Variants in ZNF507 observed in about 807,000 individuals in gnomAD.
The protein encoded by ZNF507 is zinc finger protein 507.
ZNF507 carries 29 observed loss-of-function variants against 80.0 expected under a neutral mutation model. That is an observed-to-expected ratio of 0.36 (90% CI 0.27 to 0.49). ZNF507 has a LOEUF of 0.49. Among genes scored for constraint, ZNF507 ranks in the 20% least tolerant of loss-of-function variants. ZNF507 has a pLI of 0.98. For missense variants in ZNF507, 1,081 were observed against 1,152.2 expected, an observed-to-expected ratio of 0.94 and a Z score of 0.90; for synonymous variants, 462 against 422.5, an observed-to-expected ratio of 1.09 and a Z score of -1.15.
intron 5 of ZNF507, among the ~76,000 whole-genome samples, chr19:32,378,346 C>T (rs1967578596): frequency 6.6e-6 from 1 of 152,084 alleles, no homozygotes; most frequent in Admixed American, 6.5e-5. Flanking sequence ...GAGTGAAACT[C>T]CGTCTCAAAG....
chr19:32,360,778 T>G (rs759484135), intron 5 of ZNF507, among the ~76,000 whole-genome samples, 160 bp downstream of exon 5: 3 of 152,206 alleles, frequency 2.0e-5, no homozygotes, highest in Non-Finnish European at 2.9e-5. Context: ...TATATTTACT[T>G]ATTTATTTTT....
intron 5 of ZNF507, among the ~76,000 whole-genome samples, chr19:32,368,390 A>G (rs563334090): frequency 3.3e-5 from 5 of 152,298 alleles, no homozygotes; most frequent in African/African-American, 1.2e-4. Flanking sequence ...CATCAGCTGG[A>G]ACACATACAT....
In ZNF507 at chr19:32,384,983, ACCCAT is replaced by A. The variant is rs1967670250; in HGVS notation, c.*1901_*1905del. ...CATTTAAAATGATTTCATTATTATT[ACCCAT>A]ACTGTTGCCACTCATATTGTAAGTC... On this transcript the variant is annotated 3_prime_UTR_variant, in exon 7 of 7. Coordinates refer to ENST00000355898, the MANE Select transcript of ZNF507 (RefSeq NM_001136156.2). 6.6e-6 allele frequency: 1 copy of A among 152,078 alleles called. No homozygotes were observed. The highest frequency in any genetic ancestry group is 1.5e-5 in the Non-Finnish European group (1 of 68,012). 9.4% of individuals were successfully genotyped at this position (152,078 alleles called of 1,614,324 possible).
Position 32,383,040 on chromosome 19 carries a change from T to C in ZNF507, c.2819T>C (p.Ile940Thr). 6.2e-7 allele frequency: 1 copy of C among 1,614,062 alleles called. No homozygotes were observed. The highest frequency in any genetic ancestry group is 8.5e-7 in the Non-Finnish European group (1 of 1,179,980). The change falls in exon 7 of 7, where the codon ATC (isoleucine) becomes ACC (threonine). Residue 940 changes from isoleucine (I) to threonine (T), a missense_variant. Physicochemically the swap from Ile to Thr is moderately conservative, Grantham distance 89. Transcript: ENST00000355898. Reference sequence around the variant, plus strand: ...GAGCACGAGGGTGAAATTGTAAACATCATCCTGAATAAGGACCACAATACA... The same window carrying C: ...GAGCACGAGGGTGAAATTGTAAACACCATCCTGAATAAGGACCACAATACA... ...MKEHEGEIVN[I>T]ILNKDHNTAL...
At chr19:32,375,563 C>T (rs963773472) in intron 5 of ZNF507, among the ~76,000 whole-genome samples, 1 of 152,140 alleles carries the variant, frequency 6.6e-6, no homozygotes, top group Non-Finnish European at 1.5e-5. Flanking sequence ...ACTTAAGAGA[C>T]TTACCAACCA....
chr19:32,354,391 A>G lies in ZNF507; in HGVS notation c.1561A>G (p.Ile521Val), dbSNP rs1967219305. The G allele has an allele frequency of 2.5e-6, 4 of 1,614,170 alleles. No homozygotes were observed. Among genetic ancestry groups the G allele is most frequent in the Non-Finnish European group, 3.4e-6 (4 of 1,180,034 alleles). ...AGCCAACCTGGGGCACTATGGAGAT[A>G]TAAACCTTTTAGATCCAGATACTAG... ...TRANLGHYGDINLLDPDTSQR... is the reference protein window; with the variant it reads ...TRANLGHYGDVNLLDPDTSQR... Residue 521 changes from isoleucine (I) to valine (V), a missense_variant, in exon 3 of 7, where the codon ATA (isoleucine) becomes GTA (valine). By Grantham distance (29) the Ile-to-Val change is conservative. This residue lies in a region of ZNF507 where 614 missense variants were observed against 583.9 expected (regional missense o/e 1.05). Transcript: ENST00000355898.
Position 32,354,717 on chromosome 19 carries a change from T to C in ZNF507, c.1887T>C (p.Asn629=), listed in dbSNP as rs776026445. 3.1e-6 allele frequency: 5 copies of C among 1,614,038 alleles called. No homozygotes were observed. Among genetic ancestry groups the C allele is most frequent in the Non-Finnish European group, 4.2e-6 (5 of 1,180,040 alleles). Residue 629 remains asparagine, a synonymous_variant, in exon 3 of 7, where the codon AAT becomes AAC. Transcript: ENST00000355898. ...PNSDTSLSGN[N]VVEYIPNAER... is the part of the protein sequence containing the mutation. ...GCGATACAAGTTTGTCCGGAAACAA[T>C]GTGGTGGAATACATCCCGAATGCTG...
At position 32,361,458 on chromosome 19, in the gene ZNF507, C is replaced by A. The variant is rs368146335; in HGVS notation, c.2360+840C>A. 8.5e-5 allele frequency among the ~76,000 whole-genome samples: 13 copies of A among 152,244 alleles called. No individual in the cohort carries two copies. The East Asian group carries it at 1.9e-3, about 23-fold the overall frequency. Reference sequence around the variant, plus strand: ...CCTGACAGATTGTGCCATAAAAGGTCATTGTTTAATCCCAAAGTGTGGTGA... The same window carrying A: ...CCTGACAGATTGTGCCATAAAAGGTAATTGTTTAATCCCAAAGTGTGGTGA... On this transcript the variant is annotated intron_variant, in intron 5 of 6. Coordinates refer to ENST00000355898, the MANE Select transcript of ZNF507 (RefSeq NM_001136156.2).
intron 5 of ZNF507, among the ~76,000 whole-genome samples, chr19:32,361,739 C>A (rs1050096148): frequency 2.8e-5 from 4 of 142,004 alleles, no homozygotes; most frequent in African/African-American, 1.0e-4. Flanking sequence ...TCCTTCCTTT[C>A]CTTTCCTTCC....
At chr19:32,369,245 T>G (rs963709379) in intron 5 of ZNF507, among the ~76,000 whole-genome samples, 4 of 152,220 alleles carry the variant, frequency 2.6e-5, no homozygotes, top group African/African-American at 9.6e-5. Context: ...TTCCAAAGCC[T>G]GGATCTAGCA....
intron 5 of ZNF507, among the ~76,000 whole-genome samples, chr19:32,362,611 G>T (rs1317744754): frequency 6.6e-6 from 1 of 152,216 alleles, no homozygotes; most frequent in African/African-American, 2.4e-5. Flanking sequence ...TGCTTTATTA[G>T]ATCAGTCTTG....
At position 32,353,322 on chromosome 19, in the gene ZNF507, T is replaced by G. The variant is rs201252153; in HGVS notation, c.492T>G (p.Ser164=). The change falls in exon 3 of 7, where the codon TCT becomes TCG. Residue 164 remains serine, a synonymous_variant. Transcript: ENST00000355898. The stretch of plus-strand genomic sequence containing the variant: ...TGTGCTCAGAGTGCCATATTACATC[T>G]AGAAGCCAGGAGGAACTTGAAGCCC... ...ILMCSECHIT[S]RSQEELEAHV... is the part of the protein sequence containing the mutation. 1 of 1,614,210 alleles carries G rather than the reference T, an allele frequency of 6.2e-7. No individual in the cohort carries two copies. The highest frequency in any genetic ancestry group is 8.5e-7 in the Non-Finnish European group (1 of 1,180,036).
intron 5 of ZNF507, among the ~76,000 whole-genome samples, chr19:32,372,246 AAAG>A (rs770694853): frequency 6.6e-6 from 1 of 152,226 alleles, no homozygotes; most frequent in Non-Finnish European, 1.5e-5. Flanking sequence ...GTACATTAAA[AAAG>A]ACCAGGAAGC....
At position 32,382,800 on chromosome 19, in the gene ZNF507, C is replaced by T. The variant is rs773339789; in HGVS notation, c.2579C>T (p.Ala860Val). The change falls in exon 7 of 7, where the codon GCA (alanine) becomes GTA (valine). Residue 860 changes from alanine (A) to valine (V), a missense_variant. By Grantham distance (64) the Ala-to-Val change is moderately conservative (BLOSUM62 0). This residue lies in a region of ZNF507 where 138 missense variants were observed against 158.4 expected (regional missense o/e 0.87). Transcript: ENST00000355898. ...ADPVTGSSEN[A>V]VSSSELMSQT... ...CCCGTCACTGGAAGTTCAGAAAATG[C>T]AGTGTCATCTTCAGAACTGATGTCC... 4.8e-5 allele frequency: 77 copies of T among 1,613,914 alleles called. No homozygotes were observed. The highest frequency in any genetic ancestry group is 6.7e-5 in the African/African-American group (5 of 74,874).
rs1366105019 is a variant in ZNF507, at chr19:32,383,761, T to C, written c.*678T>C. On this transcript the variant is annotated 3_prime_UTR_variant, in exon 7 of 7. Transcript: ENST00000355898. ...TTGTCTTAAATTTACGATGAATTTC[T>C]TGTGAGCAGAGGACGAAACAGGTGA... 1 of 152,238 alleles carries C rather than the reference T, an allele frequency of 6.6e-6. No individual in the cohort carries two copies. Among genetic ancestry groups the C allele is most frequent in the Non-Finnish European group, 1.5e-5 (1 of 68,056 alleles). 9.4% of individuals were successfully genotyped at this position (152,238 alleles called of 1,614,324 possible). A position where few individuals can be genotyped will look rare whatever the true frequency, so the allele number is the denominator to read the frequency against.
intron 3 of ZNF507, among the ~76,000 whole-genome samples, chr19:32,356,047 T>G (rs536485873): frequency 6.6e-6 from 1 of 152,274 alleles, no homozygotes; most frequent in South Asian, 2.1e-4. Flanking sequence ...TGAGGTTCAC[T>G]GCTTCTCAGA....
intron 5 of ZNF507, among the ~76,000 whole-genome samples, chr19:32,380,784 A>C (rs1197646036): frequency 6.6e-6 from 1 of 152,206 alleles, no homozygotes; most frequent in East Asian, 1.9e-4. Flanking sequence ...TTATCCTTAT[A>C]AAAACTTGGG....
Position 32,385,798 on chromosome 19 carries a change from A to AC in ZNF507, c.*2715_*2716insC, listed in dbSNP as rs1967680488. On this transcript the variant is annotated 3_prime_UTR_variant, in exon 7 of 7. Coordinates refer to ENST00000355898, the MANE Select transcript of ZNF507 (RefSeq NM_001136156.2). ...ACCATTGCACTCCAACCGGGGTGAC[A>AC]GATGAGGTCCTCTGTTTACCTCCCC... The AC allele has an allele frequency of 1.3e-5, 2 of 152,262 alleles. No homozygotes were observed. The highest frequency in any genetic ancestry group is 4.8e-5 in the African/African-American group (2 of 41,546). 9.4% of individuals were successfully genotyped at this position (152,262 alleles called of 1,614,324 possible).
Position 32,353,758 on chromosome 19 carries a change from G to T in ZNF507, c.928G>T (p.Gly310Ter). The change falls in exon 3 of 7, where the codon GGA becomes TGA. Residue 310 changes from glycine (G) to a stop codon, truncating the protein, a stop_gained. Transcript: ENST00000355898. LOFTEE classifies it high-confidence loss of function. ...GGTCGATGCAGTCGTCATTGCTATT[G>T]GAGAGAGTGAACTGAGTATCCACAA... is the stretch of plus-strand genomic sequence containing the variant. Reference protein sequence around the residue: ...GGVDAVVIAIGESELSIHNGP... With the variant: ...GGVDAVVIAI 1 of 1,614,178 alleles carries T rather than the reference G, an allele frequency of 6.2e-7. No homozygotes were observed. The highest frequency in any genetic ancestry group is 1.1e-5 in the South Asian group (1 of 91,078).
Sources: allele counts gnomAD v4.1 joint callset (sites outside exome capture counted in the v4.1 genomes callset), GRCh38; gene constraint gnomAD v4.1.1; regional missense constraint gnomAD v4.1.1; transcripts MANE v1.5; gene names NCBI Gene and HGNC (gene_info 2026-07-23, HGNC 2026-07-21).